PARD3B: variants seen among roughly 807,000 people sequenced by gnomAD.
The protein encoded by PARD3B is par-3 family cell polarity regulator beta, also known as partitioning defective 3 homolog B.
Under a neutral mutation model 130.2 loss-of-function variants are expected in PARD3B, and 103 were observed. The ratio of observed to expected loss-of-function variants is 0.79; its 90% CI spans 0.67 to 0.93. PARD3B has a LOEUF of 0.93. Ranked by LOEUF, PARD3B falls within the 40% of genes least tolerant of loss-of-function variation. The pLI is 0.00. For synonymous variants in PARD3B, 583 were observed against 553.2 expected (o/e 1.05, Z -0.76); for missense variants, 1,609 against 1,499.2 (o/e 1.07, Z -1.21).
rs1214542381 is a variant in PARD3B, at chr2:205,473,646, T to TTATA, written c.3045-26244_3045-26241dup. 7.5e-6 allele frequency among the ~76,000 whole-genome samples: 1 copy of TTATA among 133,660 alleles called. No homozygotes were observed. Among genetic ancestry groups the TTATA allele is most frequent in the African/African-American group, 3.0e-5 (1 of 32,832 alleles). 87.7% of individuals were successfully genotyped at this position (133,660 alleles called of 152,430 possible). A position where few individuals can be genotyped will look rare whatever the true frequency, so the allele number is the denominator to read the frequency against. ...TTCTTCTATGTTTCCCAATATAAGGTTATATATATGTGTGTGTGTGTGTGT... is the reference window on the plus strand; with the variant it reads ...TTCTTCTATGTTTCCCAATATAAGGTTATATATATATATGTGTGTGTGTGTGTGT... On this transcript the variant is annotated intron_variant, in intron 20 of 22. Transcript: ENST00000406610. This position sits in a 1 kb window ranked among gnomAD's most constrained non-coding sequence, Gnocchi z 4.9.
intron 2 of PARD3B, among the ~76,000 whole-genome samples, chr2:204,728,254 A>G (rs2039328320): frequency 6.6e-6 from 1 of 152,154 alleles, no homozygotes; most frequent in Non-Finnish European, 1.5e-5. Flanking sequence ...GCCTGGTTCT[A>G]GAAAGTTGTT....
At chr2:205,331,979 C>G (rs2043152196) in intron 18 of PARD3B, among the ~76,000 whole-genome samples, 1 of 151,728 alleles carries the variant, frequency 6.6e-6, no homozygotes, top group African/African-American at 2.4e-5. Context: ...GTGGTGTGAG[C>G]CTGTAATCCC....
Position 205,346,034 on chromosome 2 carries a change from G to C in PARD3B, c.2630+44333G>C, listed in dbSNP as rs573799916. Among the ~76,000 whole-genome samples the C allele has an allele frequency of 1.8e-4, 23 of 130,152 alleles. No individual in the cohort carries two copies. In the Middle Eastern group the frequency reaches 0.011, roughly 64 times the overall value. 85.4% of individuals were successfully genotyped at this position (130,152 alleles called of 152,430 possible). A position where few individuals can be genotyped will look rare whatever the true frequency, so the allele number is the denominator to read the frequency against. ...AAAATACAAAAAATTAGCCGGGCGTGGTGGCGCACGCCTGTAGTCCCAGCT... is the reference window on the plus strand; with the variant it reads ...AAAATACAAAAAATTAGCCGGGCGTCGTGGCGCACGCCTGTAGTCCCAGCT... On this transcript the variant is annotated intron_variant, in intron 18 of 22. Coordinates refer to ENST00000406610, the MANE Select transcript of PARD3B (RefSeq NM_001302769.2).
At chr2:205,295,583 T>C (rs1478668474) in intron 16 of PARD3B, among the ~76,000 whole-genome samples, 2 of 152,224 alleles carry the variant, frequency 1.3e-5, no homozygotes, top group Non-Finnish European at 2.9e-5. Context: ...AAACTTGCCA[T>C]GTATCTGGAA....
Position 205,550,436 on chromosome 2 carries a change from A to G in PARD3B, c.3181-2888A>G, listed in dbSNP as rs1485697849. ...ATGATGTTGCAGTATCAATGGAGAA[A>G]CATACAAAGATATACACAATTAGTG... On this transcript the variant is annotated intron_variant, in intron 21 of 22. Transcript: ENST00000406610. The surrounding 1 kb of genome is among the most constrained non-coding windows in gnomAD (Gnocchi z 4.5). Among the ~76,000 whole-genome samples the G allele has an allele frequency of 6.6e-6, 1 of 152,202 alleles. No individual in the cohort carries two copies. Among genetic ancestry groups the G allele is most frequent in the East Asian group, 1.9e-4 (1 of 5,192 alleles).
chr2:205,222,203 T>C (rs979600120), intron 15 of PARD3B, among the ~76,000 whole-genome samples: 3 of 151,796 alleles, frequency 2.0e-5, no homozygotes, highest in Middle Eastern at 3.4e-3. Context: ...GAAACACATA[T>C]GCTGTTTCAT....
At chr2:205,044,462 C>A (rs1267883927) in intron 3 of PARD3B, among the ~76,000 whole-genome samples, 2 of 148,978 alleles carry the variant, frequency 1.3e-5, no homozygotes, top group African/African-American at 4.9e-5. Flanking sequence ...TCCTCTCCAG[C>A]ACCTGTTGTT....
rs1260272341 is a variant in PARD3B at position 205,405,973 on chromosome 2, T to A, written c.2741+4850T>A. Among the ~76,000 whole-genome samples, 5 of 152,198 alleles carry A rather than the reference T, an allele frequency of 3.3e-5. No homozygotes were observed. Among genetic ancestry groups the A allele is most frequent in the Admixed American group, 3.3e-4 (5 of 15,274 alleles). ...TAAGCTACATTACTGGAAGTTCATG[T>A]ACAAAATAAAGGAAGCAACAATAAT... On this transcript the variant is annotated intron_variant, in intron 19 of 22. Transcript: ENST00000406610. This position sits in a 1 kb window ranked among gnomAD's most constrained non-coding sequence, Gnocchi z 4.1.
At chr2:204,960,451 A>G (rs1690643530) in intron 2 of PARD3B, among the ~76,000 whole-genome samples, 2 of 152,176 alleles carry the variant, frequency 1.3e-5, no homozygotes, top group Non-Finnish European at 2.9e-5. Flanking sequence ...AAAAGGAGGA[A>G]TTTATCGGCC....
intron 18 of PARD3B, among the ~76,000 whole-genome samples, chr2:205,362,586 T>C (rs531385557): frequency 6.6e-6 from 1 of 152,320 alleles, no homozygotes; most frequent in East Asian, 1.9e-4. Context: ...ATCTCCTAGG[T>C]AGTCTAACAG....
chr2:204,726,781 C>T (rs1315680791), intron 2 of PARD3B, among the ~76,000 whole-genome samples: 1 of 152,168 alleles, frequency 6.6e-6, no homozygotes, highest in African/African-American at 2.4e-5. Context: ...TTTTTAACTT[C>T]ACATGTCCCT....
intron 2 of PARD3B, among the ~76,000 whole-genome samples, chr2:204,934,263 C>T (rs1240464747): frequency 6.6e-6 from 1 of 152,164 alleles, no homozygotes; most frequent in African/African-American, 2.4e-5. Flanking sequence ...CAGATACACT[C>T]TGAGTGTTTA....
intron 1 of PARD3B, among the ~76,000 whole-genome samples, chr2:204,563,278 C>T (rs542623026): frequency 8.4e-6 from 1 of 119,526 alleles, no homozygotes; most frequent in East Asian, 2.6e-4. Flanking sequence ...TCTCTCTTCT[C>T]CCTTTATAAG....
At chr2:205,545,881 T>G (rs181000174) in intron 21 of PARD3B, among the ~76,000 whole-genome samples, 2 of 152,174 alleles carry the variant, frequency 1.3e-5, no homozygotes, top group African/African-American at 4.8e-5. Flanking sequence ...ATGGGGAATA[T>G]TGGGAGGTTA....
intron 18 of PARD3B, among the ~76,000 whole-genome samples, chr2:205,372,880 G>C (rs941891461): frequency 6.6e-6 from 1 of 152,202 alleles, no homozygotes; most frequent in Non-Finnish European, 1.5e-5. Flanking sequence ...TCGGGAGGCT[G>C]AGGTGGGAGG....
intron 3 of PARD3B, among the ~76,000 whole-genome samples, chr2:204,966,892 A>C (rs778596268): frequency 6.6e-6 from 1 of 152,186 alleles, no homozygotes; most frequent in Admixed American, 6.5e-5. Context: ...AAGCCTCGTC[A>C]TACTTAATTA....
intron 10 of PARD3B, among the ~76,000 whole-genome samples, chr2:205,155,720 C>T (rs2034077044): frequency 6.6e-6 from 1 of 152,100 alleles, no homozygotes; most frequent in South Asian, 2.1e-4. Context: ...TGTTTCCTGA[C>T]TTTTTAATGA....
intron 22 of PARD3B, among the ~76,000 whole-genome samples, chr2:205,560,738 GTC>G (rs1394394791): frequency 6.6e-6 from 1 of 152,172 alleles, no homozygotes; most frequent in Non-Finnish European, 1.5e-5. Context: ...AGAAAAAAAG[GTC>G]TCTCTGAATA....
chr2:205,163,340 C>G (rs1470456647), intron 11 of PARD3B, among the ~76,000 whole-genome samples: 1 of 152,058 alleles, frequency 6.6e-6, no homozygotes, highest in African/African-American at 2.4e-5. Flanking sequence ...ATTAATTAGC[C>G]AGGTTTGTGC....
Sources: gnomAD v4.1 joint callset for allele counts (sites outside exome capture counted in the v4.1 genomes callset) on GRCh38, gnomAD v4.1.1 for gene constraint, Gnocchi (gnomAD v3.1) non-coding constraint, MANE v1.5 for transcripts, NCBI Gene and HGNC (gene_info 2026-07-23, HGNC 2026-07-21) for gene names.